Variants in CNTN1 observed in about 807,000 individuals in gnomAD.
CNTN1 encodes the protein contactin 1, also known as contactin-1.
Under a neutral mutation model 126.4 loss-of-function variants are expected in CNTN1, and 38 were observed. The ratio of observed to expected loss-of-function variants is 0.30; its 90% CI spans 0.23 to 0.39. The LOEUF is 0.39. Ranked by LOEUF, CNTN1 falls within the 10% of genes least tolerant of loss-of-function variation. The pLI is 1.00. For synonymous variants in CNTN1, 413 were observed against 422.6 expected (o/e 0.98, Z 0.28); for missense variants, 1,009 against 1,248.4 (o/e 0.81, Z 2.89).
At chr12:40,822,685 T>A (rs898972561) in intron 1 of CNTN1, among the ~76,000 whole-genome samples, 1 of 152,192 alleles carries the variant, frequency 6.6e-6, no homozygotes, top group Non-Finnish European at 1.5e-5. Context: ...AAGAAAGTTA[T>A]TTAAATGATC....
intron 1 of CNTN1, among the ~76,000 whole-genome samples, chr12:40,883,357 G>A (rs946265476): frequency 7.9e-5 from 12 of 151,582 alleles, no homozygotes; most frequent in African/African-American, 2.9e-4. Context: ...TATTATGAAA[G>A]TCATACAACT....
chr12:41,020,368 A>G lies in CNTN1; in HGVS notation c.2451A>G (p.Val817=). The G allele has an allele frequency of 6.2e-7, 1 of 1,612,758 alleles. No homozygotes were observed. Among genetic ancestry groups the G allele is most frequent in the Non-Finnish European group, 8.5e-7 (1 of 1,179,230 alleles). The change falls in exon 20 of 24, where the codon GTA becomes GTG. Residue 817 remains valine (V), a synonymous_variant. Coordinates refer to ENST00000551295, the MANE Select transcript of CNTN1 (RefSeq NM_001843.4). ...GTGAAGCCCCAACAGAAGTAGGTGT[A>G]AAAGTCTTATCATCTTCTGAGATAT... The part of the protein sequence containing the change: ...APSEAPTEVG[V]KVLSSSEISV...
At chr12:40,763,507 T>G (rs1448950064) in intron 1 of CNTN1, among the ~76,000 whole-genome samples, 2 of 152,134 alleles carry the variant, frequency 1.3e-5, no homozygotes, top group Non-Finnish European at 2.9e-5. Context: ...AACAAACGTT[T>G]TGCAGAGGGA....
chr12:40,949,567 TTC>T, intron 14 of CNTN1, among the ~76,000 whole-genome samples: 2 of 137,676 alleles, frequency 1.5e-5, no homozygotes, highest in African/African-American at 2.7e-5. Flanking sequence ...TTTCTTTTCT[TTC>T]TTTTTTTTTT....
At chr12:40,849,089 G>T (rs1942623314) in intron 1 of CNTN1, among the ~76,000 whole-genome samples, 1 of 152,058 alleles carries the variant, frequency 6.6e-6, no homozygotes, top group Non-Finnish European at 1.5e-5. Context: ...CCTGAATTTA[G>T]TCCCTTGAGA....
intron 15 of CNTN1, among the ~76,000 whole-genome samples, chr12:40,962,633 C>T (rs1220648182): frequency 1.3e-5 from 2 of 151,848 alleles, no homozygotes; most frequent in East Asian, 1.9e-4. Flanking sequence ...AAAATGTCCC[C>T]GATAATAAGA....
At chr12:40,967,067 A>T (rs1947332960) in intron 15 of CNTN1, among the ~76,000 whole-genome samples, 1 of 152,022 alleles carries the variant, frequency 6.6e-6, no homozygotes, top group East Asian at 1.9e-4. Context: ...CAGGGGAGGC[A>T]GAGGCAGGAG....
intron 10 of CNTN1, 23 bp from the exon 11 acceptor site, chr12:40,937,547 T>A: frequency 1.4e-6 from 2 of 1,389,034 alleles, no homozygotes; most frequent in Non-Finnish European, 2.1e-6. Flanking sequence ...ATTGAGAATA[T>A]GTTTCAATTT....
chr12:40,896,178 T>C (rs527786433), intron 1 of CNTN1: 1 of 152,166 alleles, frequency 6.6e-6, no homozygotes, highest in Non-Finnish European at 1.5e-5. Context: ...CACACTTACA[T>C]GCTGACACAC....
chr12:40,839,918 T>C (rs1565812654), intron 1 of CNTN1, among the ~76,000 whole-genome samples: 1 of 151,740 alleles, frequency 6.6e-6, no homozygotes, highest in South Asian at 2.1e-4. Flanking sequence ...AGAGTATCAA[T>C]AAGAGAAAAA....
chr12:40,796,530 TACTGTACTAGA>T (rs1314662699), intron 1 of CNTN1, among the ~76,000 whole-genome samples: 1 of 152,042 alleles, frequency 6.6e-6, no homozygotes, highest in Non-Finnish European at 1.5e-5. Flanking sequence ...GTTCAAAAAG[TACTGTACTAGA>T]ACAACAGGGC....
chr12:41,007,306 C>T (rs970418979), intron 17 of CNTN1, among the ~76,000 whole-genome samples: 8 of 151,780 alleles, frequency 5.3e-5, no homozygotes, highest in South Asian at 2.1e-4. Flanking sequence ...GTGATCCGCC[C>T]GCCTCGGCCT....
intron 1 of CNTN1, among the ~76,000 whole-genome samples, chr12:40,714,354 C>T (rs1244496289): frequency 3.3e-5 from 5 of 152,064 alleles, no homozygotes; most frequent in Non-Finnish European, 7.4e-5. Context: ...TCCCATATTA[C>T]TGAATAATAG....
chr12:40,959,563 C>T (rs1312413940), intron 15 of CNTN1, among the ~76,000 whole-genome samples: 1 of 151,966 alleles, frequency 6.6e-6, no homozygotes, highest in Non-Finnish European at 1.5e-5. Flanking sequence ...AGTGCTGTTT[C>T]CTTTTTTATT....
intron 17 of CNTN1, among the ~76,000 whole-genome samples, chr12:41,003,752 T>C (rs1047215009): frequency 6.6e-6 from 1 of 152,186 alleles, no homozygotes; most frequent in Non-Finnish European, 1.5e-5. Flanking sequence ...GTGTTCATAA[T>C]ATCCTCTGGT....
chr12:40,852,384 A>C (rs1188780827), intron 1 of CNTN1, among the ~76,000 whole-genome samples: 1 of 152,138 alleles, frequency 6.6e-6, no homozygotes, highest in African/African-American at 2.4e-5. Flanking sequence ...GCTTGGTTTT[A>C]AACTTGGCTG....
rs186608194 is a variant in CNTN1, at chr12:41,024,365, C to A, written c.2524-785C>A. On this transcript the variant is annotated intron_variant, in intron 20 of 23. Transcript: ENST00000551295. ...ATATTACATATAACATATTTTTATT[C>A]ATTTTATTCATACCTTAGATATAAT... Among the ~76,000 whole-genome samples, 776 of 151,792 alleles carry A rather than the reference C, an allele frequency of 5.1e-3. 7 individuals carry two copies. The highest frequency in any genetic ancestry group is 7.9e-3 in the Non-Finnish European group (535 of 67,928).
At chr12:40,902,384 C>A (rs368180193) in intron 1 of CNTN1, among the ~76,000 whole-genome samples, 1 of 152,142 alleles carries the variant, frequency 6.6e-6, no homozygotes. Flanking sequence ...ATATTGGTGT[C>A]TTTTTGTCTG....
chr12:41,039,999 C>A (rs558077193), intron 23 of CNTN1, among the ~76,000 whole-genome samples: 1 of 152,144 alleles, frequency 6.6e-6, no homozygotes, highest in Admixed American at 6.6e-5. Flanking sequence ...AACAATTTTT[C>A]CCCATTTCTC....
Sources: gnomAD v4.1 joint callset for allele counts (sites outside exome capture counted in the v4.1 genomes callset) on GRCh38, gnomAD v4.1.1 for gene constraint, MANE v1.5 for transcripts, NCBI Gene and HGNC (gene_info 2026-07-23, HGNC 2026-07-21) for gene names.